Variants in SKAP2 observed in about 807,000 individuals in gnomAD.
The protein encoded by SKAP2 is src kinase-associated phosphoprotein 2.
In SKAP2, 28 loss-of-function variants were observed where a neutral mutation model predicts 54.9. The ratio of observed to expected loss-of-function variants is 0.51; its 90% CI spans 0.38 to 0.70. The LOEUF (loss-of-function observed/expected upper bound fraction) is 0.70. SKAP2 is among the 30% of genes least tolerant of loss of function. The pLI is 0.00. For missense variants in SKAP2, 356 were observed against 424.1 expected, an observed-to-expected ratio of 0.84 and a Z score of 1.41; for synonymous variants, 137 against 134.3, an observed-to-expected ratio of 1.02 and a Z score of -0.14.
At chr7:26,756,127 A>G (rs1452421228) in intron 4 of SKAP2, among the ~76,000 whole-genome samples, 2 of 152,216 alleles carry the variant, frequency 1.3e-5, no homozygotes, top group African/African-American at 4.8e-5. Flanking sequence ...TACTTGGTTG[A>G]AAAACACAAG....
intron 4 of SKAP2, among the ~76,000 whole-genome samples, chr7:26,828,950 C>T (rs1784548293): frequency 6.6e-6 from 1 of 151,358 alleles, no homozygotes; most frequent in African/African-American, 2.4e-5. Context: ...TCACTGGAAC[C>T]CAGTGGGGGC....
At chr7:26,770,941 T>C (rs1244033960) in intron 4 of SKAP2, among the ~76,000 whole-genome samples, 1 of 151,918 alleles carries the variant, frequency 6.6e-6, no homozygotes, top group Non-Finnish European at 1.5e-5. Flanking sequence ...CTTTTATACA[T>C]GTCTGAGAAA....
chr7:26,862,794 GC>G (rs1351524047), intron 1 of SKAP2, among the ~76,000 whole-genome samples: 1 of 151,956 alleles, frequency 6.6e-6, no homozygotes, highest in African/African-American at 2.4e-5. Context: ...GAGGTACCAA[GC>G]TTTAAAACAT....
intron 9 of SKAP2, among the ~76,000 whole-genome samples, chr7:26,717,509 C>CA (rs58826714): frequency 0.024 from 554 of 23,118 alleles, 133 homozygotes; most frequent in Non-Finnish European, 0.043. Context: ...GACCCCATCT[C>CA]AAAAAAAAAA....
At chr7:26,758,913 G>A (rs140844244) in intron 4 of SKAP2, among the ~76,000 whole-genome samples, 78 of 152,194 alleles carry the variant, frequency 5.1e-4, no homozygotes, top group African/African-American at 1.5e-3. Flanking sequence ...AAATACAAAC[G>A]GATTTTTGGA....
At chr7:26,820,187 A>C (rs1784360770) in intron 4 of SKAP2, among the ~76,000 whole-genome samples, 1 of 152,192 alleles carries the variant, frequency 6.6e-6, no homozygotes, top group South Asian at 2.1e-4. Context: ...GTGAGATCTT[A>C]TCTCTTAAAA....
intron 11 of SKAP2, among the ~76,000 whole-genome samples, chr7:26,681,603 C>T (rs1786499873): frequency 6.6e-6 from 1 of 152,164 alleles, no homozygotes; most frequent in Non-Finnish European, 1.5e-5. Context: ...TCAGAACTGA[C>T]ACACTTTTAG....
chr7:26,738,605 C>G (rs529145458), intron 6 of SKAP2, among the ~76,000 whole-genome samples, 190 bp downstream of exon 6: 25 of 152,132 alleles, frequency 1.6e-4, no homozygotes, highest in African/African-American at 5.5e-4. Flanking sequence ...TGTTTTAGCT[C>G]TGAGGGTATT....
intron 4 of SKAP2, among the ~76,000 whole-genome samples, chr7:26,760,901 G>T (rs1372157277): frequency 6.6e-6 from 1 of 152,170 alleles, no homozygotes; most frequent in Non-Finnish European, 1.5e-5. Flanking sequence ...GAAAAGAAAT[G>T]AATCAATAGT....
intron 9 of SKAP2, among the ~76,000 whole-genome samples, chr7:26,715,798 T>C (rs1787420292): frequency 6.6e-6 from 1 of 152,144 alleles, no homozygotes; most frequent in South Asian, 2.1e-4. Context: ...AAAAAAGAGT[T>C]AACAACAATG....
At chr7:26,852,820 C>T (rs1244187844) in intron 3 of SKAP2, among the ~76,000 whole-genome samples, 2 of 152,012 alleles carry the variant, frequency 1.3e-5, no homozygotes, top group Non-Finnish European at 1.5e-5. Flanking sequence ...AATGCAAGTT[C>T]GATAATCACT....
At chr7:26,662,000 G>A in the SKAP2 span, among the ~76,000 whole-genome samples, 5 of 152,108 alleles carry the variant, frequency 3.3e-5, no homozygotes, top group African/African-American at 1.2e-4. Flanking sequence ...TAGGGCACAA[G>A]GCACTAGAGA....
At chr7:26,663,421 T>C (rs143094350), downstream of SKAP2, among the ~76,000 whole-genome samples, 62 of 152,242 alleles carry the variant, frequency 4.1e-4, no homozygotes, top group East Asian at 8.9e-3. Context: ...ACAGAAGTCT[T>C]TATGAGGTCC....
At chr7:26,847,338 T>A (rs1784944689) in intron 3 of SKAP2, among the ~76,000 whole-genome samples, 1 of 152,060 alleles carries the variant, frequency 6.6e-6, no homozygotes, top group Non-Finnish European at 1.5e-5. Context: ...GTCCATCCCT[T>A]TTCCTCCCCC....
rs1782391259 is a variant in SKAP2 at position 26,739,833 on chromosome 7, T to C, written c.385+54A>G. 2.4e-6 allele frequency: 3 copies of C among 1,271,318 alleles called. No homozygotes were observed. In the East Asian group the frequency reaches 7.0e-5, roughly 30 times the overall value. The allele number at this position is 1,271,318 out of a possible 1,614,324, so 78.8% of individuals were successfully genotyped here. On this transcript the variant is annotated intron_variant, in intron 5 of 12. Transcript: ENST00000345317. ...CCTCCACATGTATACTACAAACATG[T>C]TCTATCTAAGGATGAAATTATTTTT...
chr7:26,677,394 T>TAAAAAAAAAAAAAAAAA (rs1322136047), intron 11 of SKAP2, among the ~76,000 whole-genome samples: 10 of 72,940 alleles, frequency 1.4e-4, no homozygotes, highest in African/African-American at 5.4e-4. Flanking sequence ...TCTGTCTCAA[T>TAAAAAAAAAAAAAAAAA]AAAAAAAAAA....
intron 4 of SKAP2, among the ~76,000 whole-genome samples, chr7:26,765,339 T>C (rs574906611): frequency 6.6e-6 from 1 of 152,294 alleles, no homozygotes; most frequent in South Asian, 2.1e-4. Context: ...TTCTTGTAAA[T>C]TTGTTTAAGT....
At chr7:26,729,596 G>C (rs1351771987) in intron 6 of SKAP2, among the ~76,000 whole-genome samples, 1 of 152,066 alleles carries the variant, frequency 6.6e-6, no homozygotes, top group African/African-American at 2.4e-5. Flanking sequence ...GGAAAATGCA[G>C]CAGCAAAACA....
intron 4 of SKAP2, among the ~76,000 whole-genome samples, chr7:26,833,264 C>T (rs1190773663): frequency 2.0e-5 from 3 of 151,838 alleles, no homozygotes; most frequent in Non-Finnish European, 4.4e-5. Flanking sequence ...GGAGTGGTGG[C>T]AGGCACCTGT....
Sources: gnomAD v4.1 joint callset for allele counts (sites outside exome capture counted in the v4.1 genomes callset) on GRCh38, gnomAD v4.1.1 for gene constraint, MANE v1.5 for transcripts, NCBI Gene and HGNC (gene_info 2026-07-23, HGNC 2026-07-21) for gene names.